SHB: variants seen among roughly 807,000 people sequenced by gnomAD.
SHB encodes SH2 domain containing adaptor protein B, also known as SH2 domain-containing adapter protein B.
In SHB, 20 loss-of-function variants were observed where a neutral mutation model predicts 52.3. That is an observed-to-expected ratio of 0.38 (90% confidence interval 0.27 to 0.56). The LOEUF is 0.56. SHB is among the 20% of genes least tolerant of loss of function. The pLI, the probability that SHB is intolerant of heterozygous loss-of-function variation, is 0.71. For missense variants in SHB, 825 were observed against 723.3 expected, an observed-to-expected ratio of 1.14 and a Z score of -1.61; for synonymous variants, 397 against 316.5, an observed-to-expected ratio of 1.25 and a Z score of -2.70.
intron 2 of SHB, among the ~76,000 whole-genome samples, chr9:38,014,737 A>C (rs1465530316): frequency 6.6e-6 from 1 of 152,218 alleles, no homozygotes; most frequent in Non-Finnish European, 1.5e-5. Flanking sequence ...TGGTGGTCAG[A>C]GAATCTCCTT....
chr9:37,927,946 CTCTCTTTT>C (rs1472862240), intron 5 of SHB, among the ~76,000 whole-genome samples: 1 of 146,268 alleles, frequency 6.8e-6, no homozygotes, highest in African/African-American at 2.6e-5. Context: ...CTTTCTCTTT[CTCTCTTTT>C]TTTTTTTTCT....
intron 5 of SHB, among the ~76,000 whole-genome samples, chr9:37,939,013 A>C (rs919212297): frequency 6.6e-6 from 1 of 151,056 alleles, no homozygotes; most frequent in Non-Finnish European, 1.5e-5. Context: ...GTGGTCCTTG[A>C]CTCCTCACTC....
intron 2 of SHB, among the ~76,000 whole-genome samples, chr9:37,988,857 G>A (rs1820844331): frequency 6.6e-6 from 1 of 152,210 alleles, no homozygotes; most frequent in Non-Finnish European, 1.5e-5. Context: ...TCTACTGCCT[G>A]ACTGCCTTTG....
chr9:38,049,288 T>G (rs965724672), intron 1 of SHB, among the ~76,000 whole-genome samples: 3 of 151,342 alleles, frequency 2.0e-5, no homozygotes, highest in African/African-American at 7.3e-5. Context: ...GGATTACAGG[T>G]GTGAGAGCCC....
At chr9:38,058,930 C>T (rs986213326) in intron 1 of SHB, among the ~76,000 whole-genome samples, 2 of 152,218 alleles carry the variant, frequency 1.3e-5, no homozygotes, top group African/African-American at 2.4e-5. Context: ...CGTTTGCCAT[C>T]GCCTCTTTAT....
At chr9:38,033,618 C>T (rs1301659716) in intron 1 of SHB, among the ~76,000 whole-genome samples, 1 of 152,214 alleles carries the variant, frequency 6.6e-6, no homozygotes, top group Non-Finnish European at 1.5e-5. Context: ...TACACTCCCC[C>T]TCCCCATATT....
chr9:38,032,537 G>C (rs1821428340), intron 1 of SHB, among the ~76,000 whole-genome samples: 1 of 152,212 alleles, frequency 6.6e-6, no homozygotes, highest in African/African-American at 2.4e-5. Flanking sequence ...CCTTAAGTCA[G>C]CTGAGTGCTG....
At chr9:38,032,719 T>C (rs1426848196) in intron 1 of SHB, among the ~76,000 whole-genome samples, 1 of 152,228 alleles carries the variant, frequency 6.6e-6, no homozygotes, top group Admixed American at 6.5e-5. Context: ...GCCTGGGGGA[T>C]CCTACTTCCC....
In SHB at chr9:37,916,555, A is replaced by G. The variant is rs1832101669; in HGVS notation, c.*3266T>C. Among the ~76,000 whole-genome samples the G allele has an allele frequency of 6.6e-6, 1 of 152,200 alleles. No individual in the cohort carries two copies. The highest frequency in any genetic ancestry group is 2.4e-5 in the African/African-American group (1 of 41,452). ...CGGACGCCTTGCGGGTAGCTGCTTC[A>G]GGTTTCCCTCCTGCTCACTCTCAGG... On this transcript the variant is annotated 3_prime_UTR_variant, in exon 6 of 6. Coordinates refer to ENST00000377707, the MANE Select transcript of SHB (RefSeq NM_003028.3).
intron 2 of SHB, among the ~76,000 whole-genome samples, chr9:37,989,446 G>A (rs1820854936): frequency 6.6e-6 from 1 of 152,054 alleles, no homozygotes; most frequent in African/African-American, 2.4e-5. Flanking sequence ...CTTCCTACCT[G>A]GCCCAGGAGC....
chr9:37,992,556 G>C (rs947862513), intron 2 of SHB, among the ~76,000 whole-genome samples: 1 of 152,176 alleles, frequency 6.6e-6, no homozygotes, highest in African/African-American at 2.4e-5. Context: ...GGGGCAACAG[G>C]GAGCCACTGA....
chr9:37,977,351 G>A (rs542572263), intron 2 of SHB, among the ~76,000 whole-genome samples: 1 of 152,216 alleles, frequency 6.6e-6, no homozygotes, highest in African/African-American at 2.4e-5. Context: ...TCAGCAAACA[G>A]ACACTTTCTC....
intron 1 of SHB, among the ~76,000 whole-genome samples, chr9:38,041,576 T>G (rs1821577780): frequency 6.6e-6 from 1 of 151,694 alleles, no homozygotes; most frequent in Non-Finnish European, 1.5e-5. Context: ...CTTCGGTGAG[T>G]TCGGGGAAGA....
rs1832141459 is a variant in SHB at position 37,919,059 on chromosome 9, C to G, written c.*762G>C. ...CAGCAGCAAGCCCAGAGGAGACACG[C>G]CTTGCTCTGGGAGTGAAACCAGAAC... On this transcript the variant is annotated 3_prime_UTR_variant, in exon 6 of 6. Coordinates refer to ENST00000377707, the MANE Select transcript of SHB (RefSeq NM_003028.3). 1 of 152,638 alleles carries G rather than the reference C, an allele frequency of 6.6e-6. No individual in the cohort carries two copies. The highest frequency in any genetic ancestry group is 1.5e-5 in the Non-Finnish European group (1 of 68,058). The allele number at this position is 152,638 out of a possible 1,614,324, so 9.5% of individuals were successfully genotyped here.
At chr9:37,988,832 C>T (rs2265166) in intron 2 of SHB, among the ~76,000 whole-genome samples, 86,885 of 152,060 alleles carry the variant, frequency 0.57, 25,187 homozygotes, top group East Asian at 0.74. Flanking sequence ...GACCTTCTCC[C>T]GAGTCAGAGA....
At chr9:37,972,869 T>C (rs1270762845) in intron 3 of SHB, among the ~76,000 whole-genome samples, 1 of 152,186 alleles carries the variant, frequency 6.6e-6, no homozygotes, top group Non-Finnish European at 1.5e-5. Context: ...AGAAAGGGTC[T>C]AGTTATATAC....
chr9:37,997,874 GACA>G (rs976546123), intron 2 of SHB, among the ~76,000 whole-genome samples: 1 of 152,238 alleles, frequency 6.6e-6, no homozygotes, highest in Non-Finnish European at 1.5e-5. Flanking sequence ...TGGCAGAAAG[GACA>G]ACAAGGCCCT....
rs548714683 is a variant in SHB, at chr9:37,982,245, C to T, written c.839-7408G>A. On this transcript the variant is annotated intron_variant, in intron 2 of 5. Transcript: ENST00000377707. ...TGGTGGCTCACGCCTGTACTCCTAG[C>T]GCTTTGGGAGGCCAAGGGGGGTGGA... Among the ~76,000 whole-genome samples the T allele has an allele frequency of 4.1e-4, 62 of 152,222 alleles. 1 individual carries two copies. The highest frequency in any genetic ancestry group is 1.2e-3 in the African/African-American group (49 of 41,508).
chr9:38,065,880 T>C (rs1276953050), intron 1 of SHB, among the ~76,000 whole-genome samples: 4 of 152,048 alleles, frequency 2.6e-5, no homozygotes, highest in African/African-American at 7.2e-5. Context: ...ACAGGGTTCT[T>C]CTCCAGCCAA....
Sources: gnomAD v4.1 joint callset for allele counts (sites outside exome capture counted in the v4.1 genomes callset) on GRCh38, gnomAD v4.1.1 for gene constraint, MANE v1.5 for transcripts, NCBI Gene and HGNC (gene_info 2026-07-23, HGNC 2026-07-21) for gene names.